NANS: variants seen among roughly 807,000 people sequenced by gnomAD.
NANS encodes N-acetylneuraminate synthase, also known as N-acetylneuraminate-9-phosphate synthase.
Under a neutral mutation model 33.3 loss-of-function variants are expected in NANS, and 29 were observed. The ratio of observed to expected loss-of-function variants is 0.87; its 90% CI spans 0.65 to 1.19. NANS has a LOEUF of 1.19. NANS is among the 50% of genes most tolerant of loss of function. The pLI, the probability that NANS is intolerant of heterozygous loss-of-function variation, is 0.00. For synonymous variants in NANS, 163 were observed against 177.2 expected (o/e 0.92, Z 0.64); for missense variants, 394 against 461.1 (o/e 0.85, Z 1.33).
chr9:98,066,886 G>T (rs1171041535), intron 2 of NANS, among the ~76,000 whole-genome samples: 1 of 152,100 alleles, frequency 6.6e-6, no homozygotes, highest in Non-Finnish European at 1.5e-5. Flanking sequence ...TCTAACCTCA[G>T]GTGATCCACT....
chr9:98,062,622 G>A (rs1024615858), intron 2 of NANS, among the ~76,000 whole-genome samples: 2 of 151,804 alleles, frequency 1.3e-5, no homozygotes, highest in Admixed American at 1.3e-4. Flanking sequence ...AGTGAACATC[G>A]AGTTCTGTGC....
In NANS at chr9:98,078,418, A is replaced by C. The variant is rs1221526193; in HGVS notation, c.603+71A>C. 3 of 1,519,192 alleles carry C rather than the reference A, an allele frequency of 2.0e-6. No individual in the cohort carries two copies. In the African/African-American group the frequency reaches 4.2e-5, roughly 21 times the overall value. 94.1% of individuals were successfully genotyped at this position (1,519,192 alleles called of 1,614,324 possible). A position where few individuals can be genotyped will look rare whatever the true frequency, so the allele number is the denominator to read the frequency against. On this transcript the variant is annotated intron_variant, in intron 4 of 5. Transcript: ENST00000210444. ...GGAAGGCGTAGTCTTTTTTATAACC[A>C]AAATTCTAACAAACATGGCATACTT...
Position 98,078,184 on chromosome 9 carries a change from A to C in NANS, c.449-9A>C, listed in dbSNP as rs779077671. The C allele has an allele frequency of 2.0e-5, 33 of 1,614,010 alleles. No homozygotes were observed. The Admixed American group carries it at 2.8e-4, about 14-fold the overall frequency. On this transcript the variant is annotated splice_polypyrimidine_tract_variant and intron_variant, in intron 3 of 5. Transcript: ENST00000210444. ...AAAGTGCTGATGGTGTTGGTGCTGG[A>C]TTACTCAGGTCGCCCAATGGTGATC... is the stretch of plus-strand genomic sequence containing the variant.
At chr9:98,065,308 CTTTTTTTTT>C (rs758040892) in intron 2 of NANS, among the ~76,000 whole-genome samples, 14 of 92,754 alleles carry the variant, frequency 1.5e-4, no homozygotes, top group African/African-American at 6.9e-4. Context: ...ACTCCTGGTG[CTTTTTTTTT>C]TTTTTTTTTT....
intron 2 of NANS, among the ~76,000 whole-genome samples, chr9:98,061,449 C>T (rs1329038525): frequency 4.8e-5 from 7 of 145,636 alleles, no homozygotes; most frequent in Admixed American, 1.4e-4. Context: ...TGTGCTCCAG[C>T]CTGGGCAACA....
At chr9:98,073,612 G>T (rs973909208) in intron 2 of NANS, among the ~76,000 whole-genome samples, 2 of 148,552 alleles carry the variant, frequency 1.3e-5, no homozygotes, top group Non-Finnish European at 3.0e-5. Context: ...TTCCAATCCT[G>T]AAGGATCCAA....
intron 2 of NANS, among the ~76,000 whole-genome samples, chr9:98,062,384 C>T (rs993141977): frequency 3.3e-5 from 5 of 151,954 alleles, no homozygotes; most frequent in African/African-American, 4.8e-5. Flanking sequence ...GAGTACAGCT[C>T]GTGCCAGGTC....
Position 98,080,864 on chromosome 9 carries a change from G to GA in NANS, c.655dup (p.Thr219AsnfsTer31). On this transcript the variant is annotated frameshift_variant, in exon 5 of 6. Transcript: ENST00000210444. LOFTEE classifies it high-confidence loss of function. ...CATTCCCATAGGGTATTCTGGGCATGAAACAGGCATAGCGATATCTGTGGC... is the reference window on the plus strand; with the variant it reads ...CATTCCCATAGGGTATTCTGGGCATGAAAACAGGCATAGCGATATCTGTGGC... The GA allele has an allele frequency of 6.2e-7, 1 of 1,612,228 alleles. No individual in the cohort carries two copies. The highest frequency in any genetic ancestry group is 8.5e-7 in the Non-Finnish European group (1 of 1,178,496).
At chr9:98,061,652 C>T (rs1828983870) in intron 2 of NANS, among the ~76,000 whole-genome samples, 2 of 139,644 alleles carry the variant, frequency 1.4e-5, no homozygotes, top group Non-Finnish European at 3.1e-5. Context: ...TGGTGGCATG[C>T]GTCTGTAGTC....
At chr9:98,059,128 G>A (rs1381074047) in intron 1 of NANS, among the ~76,000 whole-genome samples, 2 of 151,228 alleles carry the variant, frequency 1.3e-5, no homozygotes, top group Non-Finnish European at 1.5e-5. Flanking sequence ...GGTTCACACC[G>A]TTCTCCTGTC....
chr9:98,059,190 A>AT (rs1211688930), intron 1 of NANS, among the ~76,000 whole-genome samples: 3 of 151,520 alleles, frequency 2.0e-5, no homozygotes, highest in Non-Finnish European at 2.9e-5. Context: ...CACCTAGCTA[A>AT]TTTTTTGTAT....
intron 1 of NANS, among the ~76,000 whole-genome samples, chr9:98,059,049 A>C (rs1828900821): frequency 6.6e-6 from 1 of 151,442 alleles, no homozygotes; most frequent in African/African-American, 2.4e-5. Context: ...TTCAAGACGG[A>C]GTCTCGCTGT....
chr9:98,065,084 T>C (rs1365174978), intron 2 of NANS, among the ~76,000 whole-genome samples: 1 of 152,152 alleles, frequency 6.6e-6, no homozygotes, highest in Admixed American at 6.5e-5. Context: ...ACTGGTGACA[T>C]AGCAGCCTGC....
Position 98,082,932 on chromosome 9 carries a change from C to T in NANS, c.957C>T (p.Pro319=). The change falls in exon 6 of 6, where the codon CCC becomes CCT. Residue 319 remains proline, a synonymous_variant. Transcript: ENST00000210444. ...TGCTCACCGTGAAGGTGGGTGAGCCCAAAGGCTATCCTCCTGAAGACATCT... is the reference window on the plus strand; with the variant it reads ...TGCTCACCGTGAAGGTGGGTGAGCCTAAAGGCTATCCTCCTGAAGACATCT... ...MDMLTVKVGE[P]KGYPPEDIFN... is the part of the protein sequence containing the mutation. The T allele has an allele frequency of 6.2e-7, 1 of 1,614,132 alleles. No homozygotes were observed. The highest frequency in any genetic ancestry group is 1.1e-5 in the South Asian group (1 of 91,072).
At chr9:98,057,922 G>GTTTTTTTTTTTTTTT (rs35104052) in intron 1 of NANS, among the ~76,000 whole-genome samples, 8 of 78,086 alleles carry the variant, frequency 1.0e-4, no homozygotes, top group South Asian at 5.4e-4. Flanking sequence ...TTTTTTCCTG[G>GTTTTTTTTTTTTTTT]TTTTTTTTTT....
At chr9:98,075,653 C>T (rs1268628780) in intron 2 of NANS, 1 of 152,112 alleles carries the variant, frequency 6.6e-6, no homozygotes, top group East Asian at 1.9e-4. Context: ...TTCTGAGTCA[C>T]CATTCAGAGA....
chr9:98,065,795 A>G (rs1044727105), intron 2 of NANS, among the ~76,000 whole-genome samples: 4 of 152,040 alleles, frequency 2.6e-5, no homozygotes, highest in South Asian at 2.1e-4. Flanking sequence ...TTCCCGTGCT[A>G]TTCTCATGAT....
At position 98,078,834 on chromosome 9, in the gene NANS, G is replaced by C. The variant is rs540008329; in HGVS notation, c.603+487G>C. Among the ~76,000 whole-genome samples, 415 of 99,106 alleles carry C rather than the reference G, an allele frequency of 4.2e-3. 3 individuals are homozygous for C. Among genetic ancestry groups the C allele is most frequent in the Non-Finnish European group, 5.5e-3 (288 of 52,318 alleles). The allele number at this position is 99,106 out of a possible 152,430, so 65.0% of individuals were successfully genotyped here. ...TGGGTGACAGAGTGAGACTCTCAGG[G>C]GGAAAAAAAAAAAAAAAAAAGTCTG... On this transcript the variant is annotated intron_variant, in intron 4 of 5. Coordinates refer to ENST00000210444, the MANE Select transcript of NANS (RefSeq NM_018946.4).
Position 98,060,883 on chromosome 9 carries a change from G to GA in NANS, c.236dup (p.Thr80AspfsTer14). The GA allele has an allele frequency of 6.2e-7, 1 of 1,614,192 alleles. No individual in the cohort carries two copies. The highest frequency in any genetic ancestry group is 8.5e-7 in the Non-Finnish European group (1 of 1,180,032). On this transcript the variant is annotated frameshift_variant, in exon 2 of 6. Transcript: ENST00000210444. LOFTEE classifies it high-confidence loss of function. ...CATACACCTCGAAGCATTCCTGGGG[G>GA]AAGACGTACGGGGAGCACAAACGAC...
Sources: allele counts gnomAD v4.1 joint callset (sites outside exome capture counted in the v4.1 genomes callset), GRCh38; gene constraint gnomAD v4.1.1; transcripts MANE v1.5; gene names NCBI Gene and HGNC (gene_info 2026-07-23, HGNC 2026-07-21).